The following ZNF528 variants were observed in gnomAD, a reference collection of about 807,000 sequenced individuals.
ZNF528 encodes the protein zinc finger protein 528.
In ZNF528, 9 loss-of-function variants were observed where a neutral mutation model predicts 13.3. The observed-to-expected ratio is 0.67, with a 90% CI of 0.41 to 1.18. ZNF528 has a LOEUF of 1.18. Ranked by LOEUF, ZNF528 falls within the 50% of genes most tolerant of loss-of-function variation. The pLI, the probability that ZNF528 is intolerant of heterozygous loss-of-function variation, is 0.01. For missense variants in ZNF528, 858 were observed against 745.4 expected (o/e 1.15, Z -1.76); for synonymous variants, 264 against 254.3 (o/e 1.04, Z -0.36).
chr19:52,398,265 A>G (rs1568674402), intron 1 of ZNF528, 102 bp from the exon 2 acceptor site: 2 of 152,402 alleles, frequency 1.3e-5, no homozygotes, highest in African/African-American at 4.8e-5. Context: ...ACAGGGCACG[A>G]GAGGCCTCGT....
At position 52,415,968 on chromosome 19, in the gene ZNF528, G is replaced by C. The variant is rs2058997236; in HGVS notation, c.1116G>C (p.Gln372His). 6.2e-7 allele frequency: 1 copy of C among 1,613,820 alleles called. No individual in the cohort carries two copies. The highest frequency in any genetic ancestry group is 1.3e-5 in the African/African-American group (1 of 74,956). Reference sequence around the variant, plus strand: ...TGCGTTCCAGCCTCATAACCCATCAGTTAATTCACACTGGAAGGAAACCTT... The same window carrying C: ...TGCGTTCCAGCCTCATAACCCATCACTTAATTCACACTGGAAGGAAACCTT... Reference protein sequence around the residue: ...FSVRSSLITHQLIHTGRKPYK... With the variant: ...FSVRSSLITHHLIHTGRKPYK... The change falls in exon 7 of 7, where the codon CAG becomes CAC. Residue 372 changes from glutamine to histidine, a missense_variant. By Grantham distance (24) the Gln-to-His change is conservative. Transcript: ENST00000360465.
intron 2 of ZNF528, among the ~76,000 whole-genome samples, chr19:52,399,738 G>A (rs1424378666): frequency 1.3e-5 from 2 of 152,148 alleles, no homozygotes; most frequent in Non-Finnish European, 2.9e-5. Flanking sequence ...GTGTTTTTGT[G>A]TTCACAGTGA....
In ZNF528 at chr19:52,415,858, C is replaced by G. The variant is rs200149335; in HGVS notation, c.1006C>G (p.Arg336Gly). 1 of 1,613,816 alleles carries G rather than the reference C, an allele frequency of 6.2e-7. No homozygotes were observed. Among genetic ancestry groups the G allele is most frequent in the Admixed American group, 1.7e-5 (1 of 60,014 alleles). Residue 336 changes from arginine to glycine, a missense_variant, in exon 7 of 7, where the codon CGC becomes GGC. Transcript: ENST00000360465. ...SCNKCGKVFSRHSYLAEHQTV... is the reference protein window; with the variant it reads ...SCNKCGKVFSGHSYLAEHQTV... ...TAATAAATGTGGCAAGGTCTTTAGT[C>G]GCCATTCATATCTAGCAGAACATCA...
At chr19:52,411,110 G>A (rs939543636) in intron 6 of ZNF528, among the ~76,000 whole-genome samples, 3 of 152,110 alleles carry the variant, frequency 2.0e-5, no homozygotes, top group Non-Finnish European at 4.4e-5. Context: ...CTGTAGGAGT[G>A]GCCAGAAGAA....
At position 52,417,585 on chromosome 19, in the gene ZNF528, G is replaced by C. The variant is rs1177874642; in HGVS notation, c.*846G>C. 6.6e-6 allele frequency: 1 copy of C among 152,528 alleles called. No individual in the cohort carries two copies. Among genetic ancestry groups the C allele is most frequent in the Non-Finnish European group, 1.5e-5 (1 of 68,384 alleles). 9.4% of individuals were successfully genotyped at this position (152,528 alleles called of 1,614,324 possible). A position where few individuals can be genotyped will look rare whatever the true frequency, so the allele number is the denominator to read the frequency against. ...TAGCCACCTTCTCCATTGAACAGCAGTACCTGCTGTTTAGCAAAGACTGAT... is the reference window on the plus strand; with the variant it reads ...TAGCCACCTTCTCCATTGAACAGCACTACCTGCTGTTTAGCAAAGACTGAT... On this transcript the variant is annotated 3_prime_UTR_variant, in exon 7 of 7. Transcript: ENST00000360465.
intron 6 of ZNF528, chr19:52,408,370 T>G (rs2058886330): frequency 1.3e-5 from 2 of 151,822 alleles, no homozygotes; most frequent in African/African-American, 4.8e-5. Flanking sequence ...TTTGCCATAT[T>G]TGCCAGGCTG....
At chr19:52,414,881 G>A in intron 6 of ZNF528, 1 of 1,382,444 alleles carries the variant, frequency 7.2e-7, no homozygotes. Context: ...AGTCTCTGTT[G>A]TATTTCTCTG....
chr19:52,406,021 C>A lies in ZNF528; in HGVS notation c.130C>A (p.Leu44Met), dbSNP rs753116369. The A allele has an allele frequency of 6.2e-7, 1 of 1,610,218 alleles. No individual in the cohort carries two copies. The highest frequency in any genetic ancestry group is 1.1e-5 in the South Asian group (1 of 91,050). Residue 44 changes from leucine to methionine, a missense_variant, in exon 5 of 7, where the codon CTG becomes ATG. By Grantham distance (15) the Leu-to-Met change is conservative (BLOSUM62 2). Transcript: ENST00000360465. ...CGTGATGTTGGAGAATTATAGGAAC[C>A]TGGTCTCCCTGGGTGAGGATAATGT... The part of the protein sequence containing the change: ...RDVMLENYRN[L>M]VSLGICLPDL...
rs1336993650 is a variant in ZNF528, at chr19:52,417,418, CAT to C, written c.*681_*682del. On this transcript the variant is annotated 3_prime_UTR_variant, in exon 7 of 7. Coordinates refer to ENST00000360465, the MANE Select transcript of ZNF528 (RefSeq NM_032423.3). ...TTGCAGTTAGCACACTTTCTCCTGA[CAT>C]AAGTGCACAGAGCTTCAGTGTCCAC... is the stretch of plus-strand genomic sequence containing the variant. 6.1e-6 allele frequency: 1 copy of C among 164,242 alleles called. No homozygotes were observed. Among genetic ancestry groups the C allele is most frequent in the African/African-American group, 2.4e-5 (1 of 41,544 alleles). 10.2% of individuals were successfully genotyped at this position (164,242 alleles called of 1,614,324 possible). A position where few individuals can be genotyped will look rare whatever the true frequency, so the allele number is the denominator to read the frequency against.
rs752358464 is a variant in ZNF528, at chr19:52,415,513, G to GTCTT, written c.663_666dup (p.Ser223LeufsTer2). 3.7e-6 allele frequency: 6 copies of GTCTT among 1,614,140 alleles called. No individual in the cohort carries two copies. In the South Asian group the frequency reaches 6.6e-5, roughly 18 times the overall value. On this transcript the variant is annotated frameshift_variant, in exon 7 of 7. Coordinates refer to ENST00000360465, the MANE Select transcript of ZNF528 (RefSeq NM_032423.3). LOFTEE classifies it low-confidence loss of function (END_TRUNC). ...TTACAAATGCAGTGAATGTGGCAAG[G>GTCTT]TCTTTAGTTGCAGTTCAAAGCTTGT...
At chr19:52,397,927 T>G (rs2058748734) in intron 1 of ZNF528, 23 bp downstream of exon 1, 1 of 152,360 alleles carries the variant, frequency 6.6e-6, no homozygotes, top group Non-Finnish European at 1.5e-5. Context: ...TTGTCTATGT[T>G]AAGTCTAGGC....
intron 2 of ZNF528, among the ~76,000 whole-genome samples, chr19:52,401,176 T>G (rs948714061): frequency 1.3e-5 from 2 of 151,944 alleles, no homozygotes; most frequent in African/African-American, 4.8e-5. Flanking sequence ...CTGTGTCCAG[T>G]CATGTTCTCG....
chr19:52,405,862 G>A (rs886997205), intron 4 of ZNF528, 45 bp from the exon 5 acceptor site: 1 of 1,599,590 alleles, frequency 6.3e-7, no homozygotes, highest in East Asian at 2.3e-5. Context: ...GTGACGATGA[G>A]TACTGTGTGC....
Position 52,417,227 on chromosome 19 carries a change from C to A in ZNF528, c.*488C>A. The A allele has an allele frequency of 3.4e-6, 1 of 295,920 alleles. No homozygotes were observed. The highest frequency in any genetic ancestry group is 6.6e-6 in the Non-Finnish European group (1 of 151,060). 18.3% of individuals were successfully genotyped at this position (295,920 alleles called of 1,614,324 possible). On this transcript the variant is annotated 3_prime_UTR_variant, in exon 7 of 7. Coordinates refer to ENST00000360465, the MANE Select transcript of ZNF528 (RefSeq NM_032423.3). ...TTCCATACAGGCCATTCACTGTGGT[C>A]CCTGGGAAAGAATCAGTAGGATGAC...
chr19:52,407,094 G>A (rs762194812), intron 6 of ZNF528, among the ~76,000 whole-genome samples: 8 of 151,608 alleles, frequency 5.3e-5, no homozygotes, highest in Non-Finnish European at 8.8e-5. Flanking sequence ...ACAGGTGTAC[G>A]CCACGATGCC....
rs1308247763 is a variant in ZNF528 at position 52,405,989 on chromosome 19, A to G, written c.98A>G (p.Tyr33Cys). 11 of 1,611,868 alleles carry G rather than the reference A, an allele frequency of 6.8e-6. No individual in the cohort carries two copies. Among genetic ancestry groups the G allele is most frequent in the Non-Finnish European group, 9.3e-6 (11 of 1,178,450 alleles). Residue 33 changes from tyrosine to cysteine, a missense_variant, in exon 5 of 7, where the codon TAC becomes TGC. Tyr to Cys is a radical substitution (Grantham distance 194, BLOSUM62 -2). Coordinates refer to ENST00000360465, the MANE Select transcript of ZNF528 (RefSeq NM_032423.3). Reference protein sequence around the residue: ...KCLDPAQRTLYRDVMLENYRN... With the variant: ...KCLDPAQRTLCRDVMLENYRN... ...CTGGACCCTGCGCAGAGGACTTTAT[A>G]CAGGGACGTGATGTTGGAGAATTAT...
At chr19:52,410,963 G>T (rs1237698821) in intron 6 of ZNF528, among the ~76,000 whole-genome samples, 1 of 152,098 alleles carries the variant, frequency 6.6e-6, no homozygotes, top group African/African-American at 2.4e-5. Flanking sequence ...GCTTTCTATG[G>T]CCGTACACTC....
At chr19:52,411,408 T>C (rs555947599) in intron 6 of ZNF528, 2 of 152,346 alleles carry the variant, frequency 1.3e-5, no homozygotes, top group Admixed American at 1.3e-4. Flanking sequence ...TAAACCTTGC[T>C]GTAATGCACC....
intron 4 of ZNF528, among the ~76,000 whole-genome samples, chr19:52,403,678 A>AAG (rs1460577118): frequency 6.6e-6 from 1 of 151,334 alleles, no homozygotes; most frequent in Non-Finnish European, 1.5e-5. Context: ...AAAAAAAAAA[A>AAG]AAAGTCAGTG....
Sources: gnomAD v4.1 joint callset for allele counts (sites outside exome capture counted in the v4.1 genomes callset) on GRCh38, gnomAD v4.1.1 for gene constraint, MANE v1.5 for transcripts, NCBI Gene and HGNC (gene_info 2026-07-23, HGNC 2026-07-21) for gene names.